Variants in HIP1R observed in about 807,000 individuals in gnomAD.
The protein encoded by HIP1R is huntingtin interacting protein 1 related, also known as huntingtin-interacting protein 1-related protein.
Under a neutral mutation model 144.2 loss-of-function variants are expected in HIP1R, and 135 were observed. The observed-to-expected ratio is 0.94, with a 90% CI of 0.81 to 1.08. The LOEUF is 1.08. Among genes scored for constraint, HIP1R ranks in the 50% least tolerant of loss-of-function variants. The pLI is 0.00. For missense variants in HIP1R, 1,462 were observed against 1,432.8 expected (o/e 1.02, Z -0.33); for synonymous variants, 698 against 612.8 (o/e 1.14, Z -2.05).
intron 7 of HIP1R, among the ~76,000 whole-genome samples, chr12:122,853,213 C>T (rs1011814633): frequency 1.3e-5 from 2 of 151,858 alleles, no homozygotes; most frequent in South Asian, 2.1e-4. Flanking sequence ...ATACAAGGCC[C>T]GATTGTCAGG....
At position 122,860,531 on chromosome 12, in the gene HIP1R, G is replaced by A; in HGVS notation, c.2660+8G>A. Reference sequence around the variant, plus strand: ...GGGAGCCACACAGCTGGTGTAGGTTGCCCTGGGTGGGGGGGGGCAGGGGGC... The same window carrying A: ...GGGAGCCACACAGCTGGTGTAGGTTACCCTGGGTGGGGGGGGGCAGGGGGC... On this transcript the variant is annotated splice_region_variant and intron_variant, in intron 27 of 31. Transcript: ENST00000253083. 1 of 1,465,728 alleles carries A rather than the reference G, an allele frequency of 6.8e-7. No homozygotes were observed. The highest frequency in any genetic ancestry group is 9.6e-7 in the Non-Finnish European group (1 of 1,045,818). 90.8% of individuals were successfully genotyped at this position (1,465,728 alleles called of 1,614,324 possible). A position where few individuals can be genotyped will look rare whatever the true frequency, so the allele number is the denominator to read the frequency against.
chr12:122,858,139 A>G lies in HIP1R; in HGVS notation c.1853A>G (p.Asp618Gly), dbSNP rs957101714. 10 of 1,601,220 alleles carry G rather than the reference A, an allele frequency of 6.2e-6. No individual in the cohort carries two copies. In the African/African-American group the frequency reaches 1.2e-4, roughly 19 times the overall value. The change falls in exon 19 of 32, where the codon GAC becomes GGC. Residue 618 changes from aspartate to glycine, a missense_variant. This residue lies in a region of HIP1R where 1,112 missense variants were observed against 1,011.7 expected (regional missense o/e 1.10). Coordinates refer to ENST00000253083, the MANE Select transcript of HIP1R (RefSeq NM_003959.3). ...CAGGGGCTGCGGCAGAGGCTGCTGG[A>G]CGAGCAGTTCGCAGTGTTGCGGGGC... is the stretch of plus-strand genomic sequence containing the variant. The part of the protein sequence containing the change: ...QEQGLRQRLL[D>G]EQFAVLRGAA...
chr12:122,856,398 C>T (rs1364916908), intron 15 of HIP1R, 34 bp from the exon 16 acceptor site: 3 of 1,607,046 alleles, frequency 1.9e-6, no homozygotes, highest in East Asian at 2.2e-5. Flanking sequence ...TCGGGGATGG[C>T]AGCAGAGCAT....
In HIP1R at chr12:122,840,342, C is replaced by T. The variant is rs1402205150; in HGVS notation, c.93+4699C>T. Among the ~76,000 whole-genome samples, 1 of 152,228 alleles carries T rather than the reference C, an allele frequency of 6.6e-6. No homozygotes were observed. The highest frequency in any genetic ancestry group is 1.5e-5 in the Non-Finnish European group (1 of 68,046). On this transcript the variant is annotated intron_variant, in intron 1 of 31. Coordinates refer to ENST00000253083, the MANE Select transcript of HIP1R (RefSeq NM_003959.3). This position sits in a 1 kb window ranked among gnomAD's most constrained non-coding sequence, Gnocchi z 4.2. Reference sequence around the variant, plus strand: ...CTTTGGGGTGTGCCCCAGGAAGGTCCGAGTCATCTTTGTACCCTCTAAGAG... The same window carrying T: ...CTTTGGGGTGTGCCCCAGGAAGGTCTGAGTCATCTTTGTACCCTCTAAGAG...
intron 12 of HIP1R, 78 bp from the exon 13 acceptor site, chr12:122,855,753 G>A: frequency 6.6e-7 from 1 of 1,519,832 alleles, no homozygotes; most frequent in Non-Finnish European, 8.9e-7. Flanking sequence ...TGGCCACTGA[G>A]GAGGAGACAG....
At chr12:122,839,960 G>C (rs1401031846) in intron 1 of HIP1R, among the ~76,000 whole-genome samples, 1 of 152,222 alleles carries the variant, frequency 6.6e-6, no homozygotes, top group Non-Finnish European at 1.5e-5. Context: ...TTTAGAAAAG[G>C]GCAACATTTA....
upstream of HIP1R, chr12:122,835,339 G>T: frequency 1.0e-6 from 1 of 963,488 alleles, no homozygotes; most frequent in Non-Finnish European, 1.3e-6. Flanking sequence ...AGTTGGGGGC[G>T]GGCGAGGCGT....
intron 6 of HIP1R, 111 bp downstream of exon 6, chr12:122,851,022 T>A (rs2033378757): frequency 5.0e-6 from 5 of 995,414 alleles, no homozygotes; most frequent in African/African-American, 1.7e-5. Context: ...AATGAGTCCG[T>A]GGCTTTGTTG....
At position 122,855,084 on chromosome 12, in the gene HIP1R, A is replaced by G. The variant is rs776495362; in HGVS notation, c.808A>G (p.Met270Val). Residue 270 changes from methionine to valine, a missense_variant, in exon 10 of 32, where the codon ATG becomes GTG. Met to Val is a conservative substitution (Grantham distance 21). Transcript: ENST00000253083. ...GAACTTCTTCCGCAGAGCCTCCGAC[A>G]TGCTGTACTTCAAGCGGCTCATCCA... ...LRNFFRRASD[M>V]LYFKRLIQIP... 2.0e-5 allele frequency: 33 copies of G among 1,613,604 alleles called. No homozygotes were observed. The highest frequency in any genetic ancestry group is 1.3e-4 in the Admixed American group (8 of 60,006).
At chr12:122,851,033 G>A (rs925370033) in intron 6 of HIP1R, 122 bp downstream of exon 6, 1 of 946,356 alleles carries the variant, frequency 1.1e-6, no homozygotes, top group Non-Finnish European at 1.6e-6. Context: ...GGCTTTGTTG[G>A]TTGATGCTCA....
At position 122,856,420 on chromosome 12, in the gene HIP1R, CT is replaced by C; in HGVS notation, c.1402-11del. 2 of 1,601,350 alleles carry C rather than the reference CT, an allele frequency of 1.2e-6. No homozygotes were observed. Among genetic ancestry groups the C allele is most frequent in the Non-Finnish European group, 1.7e-6 (2 of 1,173,922 alleles). On this transcript the variant is annotated splice_polypyrimidine_tract_variant and intron_variant, in intron 15 of 31. Coordinates refer to ENST00000253083, the MANE Select transcript of HIP1R (RefSeq NM_003959.3). Reference sequence around the variant, plus strand: ...TGGCAGCAGAGCATGAGCCCTTCCCCTGCCCATGCAGAACGCGGACACAGCC... The same window carrying C: ...TGGCAGCAGAGCATGAGCCCTTCCCCGCCCATGCAGAACGCGGACACAGCC...
intron 1 of HIP1R, among the ~76,000 whole-genome samples, chr12:122,844,231 T>G (rs1229559675): frequency 6.6e-6 from 1 of 152,186 alleles, no homozygotes; most frequent in African/African-American, 2.4e-5. Flanking sequence ...CTGGAACTCC[T>G]GGACCCAAGC....
chr12:122,860,880 G>T, intron 28 of HIP1R, 36 bp from the exon 29 acceptor site: 1 of 1,600,660 alleles, frequency 6.2e-7, no homozygotes, highest in Non-Finnish European at 8.5e-7. Context: ...CCCTGAGCTG[G>T]GAGACCTGGG....
intron 5 of HIP1R, 142 bp from the exon 6 acceptor site, chr12:122,850,693 T>G (rs71444566): frequency 6.1e-4 from 32 of 52,296 alleles, no homozygotes; most frequent in Middle Eastern, 4.7e-3. Context: ...GCCGCTGGGT[T>G]GGGGGGCCCT....
intron 1 of HIP1R, among the ~76,000 whole-genome samples, chr12:122,844,687 A>C (rs2033159385): frequency 6.6e-6 from 1 of 151,902 alleles, no homozygotes; most frequent in Non-Finnish European, 1.5e-5. Flanking sequence ...TAGCGGACAG[A>C]CCCCGGGGCG....
In HIP1R at chr12:122,843,664, G is replaced by A. The variant is rs539338226; in HGVS notation, c.94-4367G>A. The stretch of plus-strand genomic sequence containing the variant: ...TGGGCAGGATAAGAGCAGGCTCAGA[G>A]AGTTGTGAGCAGGTGGCCCCTGGGG... On this transcript the variant is annotated intron_variant, in intron 1 of 31. Coordinates refer to ENST00000253083, the MANE Select transcript of HIP1R (RefSeq NM_003959.3). Among the ~76,000 whole-genome samples the A allele has an allele frequency of 2.0e-5, 3 of 152,270 alleles. No homozygotes were observed. In the South Asian group the frequency reaches 6.2e-4, roughly 32 times the overall value.
intron 1 of HIP1R, 100 bp from the exon 2 acceptor site, chr12:122,847,931 C>A: frequency 8.8e-7 from 1 of 1,135,916 alleles, no homozygotes; most frequent in South Asian, 1.5e-5. Context: ...GCCTTGAACC[C>A]AGGCAGAATC....
chr12:122,856,598 C>T (rs1371836625), intron 16 of HIP1R, 27 bp from the exon 17 acceptor site: 1 of 1,598,758 alleles, frequency 6.3e-7, no homozygotes, highest in Admixed American at 1.7e-5. Context: ...CAGCCCACTG[C>T]CCCAGTGACA....
At chr12:122,857,488 T>G in intron 18 of HIP1R, 2 of 558,058 alleles carry the variant, frequency 3.6e-6, no homozygotes, top group Admixed American at 6.1e-5. Context: ...TGGTGGACAT[T>G]GGGTTTGTTG....
Sources: gnomAD v4.1 joint callset for allele counts (sites outside exome capture counted in the v4.1 genomes callset) on GRCh38, gnomAD v4.1.1 for gene constraint, gnomAD v4.1.1 regional missense constraint, Gnocchi (gnomAD v3.1) non-coding constraint, MANE v1.5 for transcripts, NCBI Gene and HGNC (gene_info 2026-07-23, HGNC 2026-07-21) for gene names.